CDKN2B-AS1: variants seen among roughly 807,000 people sequenced by gnomAD.
CDKN2B-AS1 encodes the protein CDKN2B antisense RNA 1 (non-protein coding).
chr9:22,047,947 G>A (rs116200820), intron 2 of CDKN2B-AS1, among the ~76,000 whole-genome samples: 9 of 140,218 alleles, frequency 6.4e-5, no homozygotes, highest in South Asian at 2.7e-4. Context: ...ACTCCCATGT[G>A]CGGCTAATTT....
intron 4 of CDKN2B-AS1, among the ~76,000 whole-genome samples, chr9:22,091,596 A>G (rs1825086114): frequency 6.6e-6 from 1 of 152,132 alleles, no homozygotes; most frequent in South Asian, 2.1e-4. Context: ...GGAATTGTGA[A>G]TGGGAGTTCA....
At chr9:22,062,986 C>T (rs199771776) in intron 4 of CDKN2B-AS1, among the ~76,000 whole-genome samples, 5 of 136,772 alleles carry the variant, frequency 3.7e-5, no homozygotes, top group Non-Finnish European at 7.8e-5. Flanking sequence ...GACACACACA[C>T]ATATATATAT....
At position 21,996,217 on chromosome 9, in the gene CDKN2B-AS1, C is replaced by T. The variant is rs1587363211; in HGVS notation, n.29+1056C>T. ...CCGCCCCATCACTTGACGTTGCTGC[C>T]GGACCTCGGTACAAACCCAAGACAA... On this transcript the variant is annotated intron_variant and non_coding_transcript_variant, in intron 1 of 4. Transcript: ENST00000650946. This position sits in a 1 kb window ranked among gnomAD's most constrained non-coding sequence, Gnocchi z 5.4. Among the ~76,000 whole-genome samples, 1 of 152,160 alleles carries T rather than the reference C, an allele frequency of 6.6e-6. No homozygotes were observed. The highest frequency in any genetic ancestry group is 2.4e-5 in the African/African-American group (1 of 41,446).
At chr9:22,114,527 A>G (rs913330219) in intron 4 of CDKN2B-AS1, among the ~76,000 whole-genome samples, 7 of 152,356 alleles carry the variant, frequency 4.6e-5, no homozygotes, top group African/African-American at 1.7e-4. Flanking sequence ...GGCAAAGAAG[A>G]AAAACCTTAA....
chr9:22,114,046 T>G (rs1175401141), intron 4 of CDKN2B-AS1, among the ~76,000 whole-genome samples: 1 of 152,166 alleles, frequency 6.6e-6, no homozygotes, highest in African/African-American at 2.4e-5. Context: ...ATATATCAAC[T>G]GATATACATG....
chr9:22,064,087 T>A (rs971030212), intron 4 of CDKN2B-AS1: 1 of 152,160 alleles, frequency 6.6e-6, no homozygotes, highest in Non-Finnish European at 1.5e-5. Context: ...ACTGAGTATT[T>A]AAGGTCTAGG....
chr9:22,023,945 C>T (rs575113753), intron 1 of CDKN2B-AS1, among the ~76,000 whole-genome samples: 1 of 152,310 alleles, frequency 6.6e-6, no homozygotes, highest in Non-Finnish European at 1.5e-5. Flanking sequence ...TCATTTCAGC[C>T]ATCTCAGCCT....
intron 4 of CDKN2B-AS1, among the ~76,000 whole-genome samples, chr9:22,079,772 T>C (rs920960757): frequency 3.3e-5 from 5 of 152,186 alleles, no homozygotes; most frequent in African/African-American, 1.2e-4. Flanking sequence ...TCACCTCAGA[T>C]GCCCATGTCC....
At chr9:22,080,784 C>G (rs2131329040) in intron 4 of CDKN2B-AS1, among the ~76,000 whole-genome samples, 1 of 152,272 alleles carries the variant, frequency 6.6e-6, no homozygotes, top group African/African-American at 2.4e-5. Context: ...GACCACAGGC[C>G]ACCAGACTGC....
chr9:22,034,848 G>A (rs1587435122), intron 1 of CDKN2B-AS1, among the ~76,000 whole-genome samples: 1 of 152,102 alleles, frequency 6.6e-6, no homozygotes, highest in Admixed American at 6.6e-5. Flanking sequence ...ATAAAATTAG[G>A]CAGCAAGACT....
intron 4 of CDKN2B-AS1, among the ~76,000 whole-genome samples, chr9:22,060,169 G>A (rs906968516): frequency 1.3e-5 from 2 of 152,148 alleles, no homozygotes; most frequent in Non-Finnish European, 2.9e-5. Context: ...CAGAAAATGG[G>A]TTTTTCTTTT....
At position 22,119,796 on chromosome 9, in the gene CDKN2B-AS1, A is replaced by C. The variant is rs1488493491; in HGVS notation, n.439-7307A>C. 6 of 152,154 alleles carry C rather than the reference A, an allele frequency of 3.9e-5. No individual in the cohort carries two copies. The East Asian group carries it at 1.2e-3, about 29-fold the overall frequency. 9.4% of individuals were successfully genotyped at this position (152,154 alleles called of 1,614,324 possible). On this transcript the variant is annotated intron_variant and non_coding_transcript_variant, in intron 4 of 4. Transcript: ENST00000650946. ...ATAGGCTAGTTGTTTGTAGTAAAATACTTTCCCTCACTGCATTAGGTTCTT... is the reference window on the plus strand; with the variant it reads ...ATAGGCTAGTTGTTTGTAGTAAAATCCTTTCCCTCACTGCATTAGGTTCTT...
At chr9:22,083,412 T>C (rs1202120092) in intron 4 of CDKN2B-AS1, among the ~76,000 whole-genome samples, 1 of 152,180 alleles carries the variant, frequency 6.6e-6, no homozygotes, top group African/African-American at 2.4e-5. Flanking sequence ...ATGCTACCGC[T>C]GGGACAGAGA....
In CDKN2B-AS1 at chr9:22,093,896, A is replaced by C. The variant is rs200307494; in HGVS notation, n.439-33207A>C. On this transcript the variant is annotated intron_variant and non_coding_transcript_variant, in intron 4 of 4. Coordinates refer to ENST00000650946, the Ensembl canonical transcript of CDKN2B-AS1. Reference sequence around the variant, plus strand: ...TGGTTATTTTGCTCATTAGTTGATGAAGTTTCTTCCTAGCCTTGATGGTCT... The same window carrying C: ...TGGTTATTTTGCTCATTAGTTGATGCAGTTTCTTCCTAGCCTTGATGGTCT... Among the ~76,000 whole-genome samples the C allele has an allele frequency of 4.2e-4, 61 of 144,318 alleles. 13 individuals are homozygous for C. The highest frequency in any genetic ancestry group is 3.5e-3 in the Middle Eastern group (1 of 288). 94.7% of individuals were successfully genotyped at this position (144,318 alleles called of 152,430 possible).
At chr9:22,061,860 A>G (rs1823835302) in intron 4 of CDKN2B-AS1, 1 of 152,110 alleles carries the variant, frequency 6.6e-6, no homozygotes, top group Admixed American at 6.5e-5. Context: ...ATATCTATAT[A>G]TACACTTATA....
rs181777386 is a variant in CDKN2B-AS1 at position 22,001,767 on chromosome 9, T to C, written n.29+6606T>C. Among the ~76,000 whole-genome samples the C allele has an allele frequency of 4.6e-5, 7 of 152,238 alleles. No homozygotes were observed. The highest frequency in any genetic ancestry group is 1.0e-4 in the Non-Finnish European group (7 of 67,954). ...AGTAATTTCATTTGGATAGCTGAAA[T>C]TGAGAAACGTTTTATAGAAACTTTT... On this transcript the variant is annotated intron_variant and non_coding_transcript_variant, in intron 1 of 4. Coordinates refer to ENST00000650946, the Ensembl canonical transcript of CDKN2B-AS1. This position sits in a 1 kb window ranked among gnomAD's most constrained non-coding sequence, Gnocchi z 4.2.
intron 4 of CDKN2B-AS1, among the ~76,000 whole-genome samples, chr9:22,115,585 A>G (rs1352757812): frequency 6.6e-6 from 1 of 152,116 alleles, no homozygotes; most frequent in Non-Finnish European, 1.5e-5. Flanking sequence ...ACTCTGCTTC[A>G]CTTAAGCTGC....
Position 22,006,732 on chromosome 9 carries a change from TA to T in CDKN2B-AS1, n.29+11574del, listed in dbSNP as rs1821208431. 6.6e-6 allele frequency among the ~76,000 whole-genome samples: 1 copy of T among 152,064 alleles called. No homozygotes were observed. The highest frequency in any genetic ancestry group is 1.5e-5 in the Non-Finnish European group (1 of 68,010). ...GGGAGTAATGGTTTAGGGGAGAAAA[TA>T]AACAACTAAGTTTTTTTCTTTCTTT... On this transcript the variant is annotated intron_variant and non_coding_transcript_variant, in intron 1 of 4. Coordinates refer to ENST00000650946, the Ensembl canonical transcript of CDKN2B-AS1. The surrounding 1 kb of genome is among the most constrained non-coding windows in gnomAD (Gnocchi z 6.4).
rs548759129 is a variant in CDKN2B-AS1 at position 21,997,163 on chromosome 9, T to C, written n.29+2002T>C. Among the ~76,000 whole-genome samples, 1 of 152,320 alleles carries C rather than the reference T, an allele frequency of 6.6e-6. No individual in the cohort carries two copies. The highest frequency in any genetic ancestry group is 2.4e-5 in the African/African-American group (1 of 41,570). ...TAGGCTGTATGGTATGGGCTATTGC[T>C]CCTAGGCTGCAAACCTTTACAACAT... On this transcript the variant is annotated intron_variant and non_coding_transcript_variant, in intron 1 of 4. Coordinates refer to ENST00000650946, the Ensembl canonical transcript of CDKN2B-AS1. This position sits in a 1 kb window ranked among gnomAD's most constrained non-coding sequence, Gnocchi z 4.8.
Sources: gnomAD v4.1 joint callset for allele counts (sites outside exome capture counted in the v4.1 genomes callset) on GRCh38, gnomAD v4.1.1 for gene constraint, Gnocchi (gnomAD v3.1) non-coding constraint, MANE v1.5 for transcripts, NCBI Gene and HGNC (gene_info 2026-07-23, HGNC 2026-07-21) for gene names.